Variants in AFG2A observed in about 807,000 individuals in gnomAD.
AFG2A encodes ATPase family gene 2 protein homolog A.
At chr4:123,272,579 A>G in the AFG2A span, among the ~76,000 whole-genome samples, 2 of 152,144 alleles carry the variant, frequency 1.3e-5, no homozygotes, top group African/African-American at 4.8e-5. Context: ...ACAAGTTACA[A>G]CCAAAGGAGG....
At chr4:122,982,208 G>T in the AFG2A span, among the ~76,000 whole-genome samples, 1 of 152,098 alleles carries the variant, frequency 6.6e-6, no homozygotes, top group African/African-American at 2.4e-5. Context: ...ATCATGAAAG[G>T]ATGTTGAATT....
At chr4:123,013,739 C>T in the AFG2A span, among the ~76,000 whole-genome samples, 1 of 152,170 alleles carries the variant, frequency 6.6e-6, no homozygotes, top group Non-Finnish European at 1.5e-5. Context: ...CAGCTTGTCC[C>T]TCTGTCACTT....
chr4:123,242,505 T>C, the AFG2A span, among the ~76,000 whole-genome samples: 4,851 of 152,276 alleles, frequency 0.032, 270 homozygotes, highest in African/African-American at 0.11. Flanking sequence ...GGGAAAGGAT[T>C]CCCTATTTAA....
At chr4:123,116,473 A>C in the AFG2A span, among the ~76,000 whole-genome samples, 1 of 152,214 alleles carries the variant, frequency 6.6e-6, no homozygotes, top group African/African-American at 2.4e-5. Flanking sequence ...ACTGGCATCC[A>C]GTGGGTAGAG....
the AFG2A span, among the ~76,000 whole-genome samples, chr4:123,069,602 TTCTGCA>T: frequency 6.6e-6 from 1 of 152,204 alleles, no homozygotes; most frequent in Non-Finnish European, 1.5e-5. Flanking sequence ...AGCCAAGCAT[TTCTGCA>T]TCTGAGCACA....
chr4:123,078,861 G>A, the AFG2A span, among the ~76,000 whole-genome samples: 1 of 152,080 alleles, frequency 6.6e-6, no homozygotes. Flanking sequence ...ATAGAGATGA[G>A]ACATTAAAGC....
chr4:123,059,138 T>TTATTTTATTTTATTA, the AFG2A span, among the ~76,000 whole-genome samples: 3 of 145,410 alleles, frequency 2.1e-5, no homozygotes, highest in Non-Finnish European at 4.5e-5. Context: ...CTTTTCTTTT[T>TTATTTTATTTTATTA]TATTTTATTT....
the AFG2A span, among the ~76,000 whole-genome samples, chr4:123,090,101 A>G: frequency 6.6e-6 from 1 of 152,238 alleles, no homozygotes. Context: ...AATATTTATG[A>G]AGAAACATCA....
the AFG2A span, among the ~76,000 whole-genome samples, chr4:122,940,556 C>T: frequency 0.013 from 1,998 of 152,106 alleles, 43 homozygotes; most frequent in African/African-American, 0.046. Context: ...GAGTAGGTTG[C>T]GAAAATTTTC....
the AFG2A span, among the ~76,000 whole-genome samples, chr4:123,037,597 A>G: frequency 2.0e-5 from 3 of 152,060 alleles, no homozygotes; most frequent in Non-Finnish European, 4.4e-5. Flanking sequence ...TTAGATATAA[A>G]TGGTCTCTTG....
At chr4:122,924,885 T>C in the AFG2A span, among the ~76,000 whole-genome samples, 1 of 152,172 alleles carries the variant, frequency 6.6e-6, no homozygotes, top group Non-Finnish European at 1.5e-5. Context: ...ATTAAACAGA[T>C]GTGAAATTAC....
At chr4:123,070,007 G>T in the AFG2A span, among the ~76,000 whole-genome samples, 1 of 152,052 alleles carries the variant, frequency 6.6e-6, no homozygotes. Context: ...AAAATTTAAG[G>T]AAATTTGATA....
chr4:123,028,073 A>T, the AFG2A span: 1 of 851,882 alleles, frequency 1.2e-6, no homozygotes, highest in Non-Finnish European at 1.8e-6. Flanking sequence ...CCTGATTCTT[A>T]AATGGTTCTA....
chr4:123,083,533 C>T, the AFG2A span, among the ~76,000 whole-genome samples: 1 of 150,998 alleles, frequency 6.6e-6, no homozygotes, highest in Non-Finnish European at 1.5e-5. Flanking sequence ...GGAATAAATC[C>T]CACTTTATAA....
At chr4:123,065,814 T>C in the AFG2A span, among the ~76,000 whole-genome samples, 1 of 152,058 alleles carries the variant, frequency 6.6e-6, no homozygotes, top group South Asian at 2.1e-4. Context: ...ATTTAAAATA[T>C]GAAAAAAAAT....
chr4:122,965,480 G>A, the AFG2A span, among the ~76,000 whole-genome samples: 2 of 152,100 alleles, frequency 1.3e-5, no homozygotes, highest in African/African-American at 4.8e-5. Context: ...TTGACATTTG[G>A]CTCTCTAAAG....
the AFG2A span, among the ~76,000 whole-genome samples, chr4:123,119,064 T>C: frequency 6.6e-6 from 1 of 152,140 alleles, no homozygotes; most frequent in Non-Finnish European, 1.5e-5. Flanking sequence ...TCTACAGCTG[T>C]TCTGCCAAAC....
chr4:123,063,733 G>A, the AFG2A span, among the ~76,000 whole-genome samples: 19 of 150,958 alleles, frequency 1.3e-4, no homozygotes, highest in South Asian at 2.1e-4. Context: ...GTGACAGAGC[G>A]AGACTGTCTC....
the AFG2A span, among the ~76,000 whole-genome samples, chr4:123,007,642 AACACAC>A: frequency 3.9e-5 from 1 of 25,510 alleles, no homozygotes. Flanking sequence ...ACACACACAC[AACACAC>A]ACACACACAC....
Sources: gnomAD v4.1 joint callset for allele counts (sites outside exome capture counted in the v4.1 genomes callset) on GRCh38, gnomAD v4.1.1 for gene constraint, MANE v1.5 for transcripts, NCBI Gene and HGNC (gene_info 2026-07-23, HGNC 2026-07-21) for gene names.